Variants in DNAJB14 observed in about 807,000 individuals in gnomAD.
DNAJB14 encodes DnaJ heat shock protein family (Hsp40) member B14.
Under a neutral mutation model 48.4 loss-of-function variants are expected in DNAJB14, and 22 were observed. The ratio of observed to expected loss-of-function variants is 0.45; its 90% CI spans 0.32 to 0.65. The LOEUF (loss-of-function observed/expected upper bound fraction) is 0.65, where lower values mean the gene tolerates loss of function less well. Among genes scored for constraint, DNAJB14 ranks in the 30% least tolerant of loss-of-function variants. The pLI, the probability that DNAJB14 is intolerant of heterozygous loss-of-function variation, is 0.03. For missense variants in DNAJB14, 319 were observed against 458.8 expected, an observed-to-expected ratio of 0.70 and a Z score of 2.78; for synonymous variants, 142 against 158.7, an observed-to-expected ratio of 0.89 and a Z score of 0.79.
intron 3 of DNAJB14, among the ~76,000 whole-genome samples, chr4:99,921,838 A>G (rs1189055704): frequency 6.6e-6 from 1 of 152,188 alleles, no homozygotes; most frequent in African/African-American, 2.4e-5. Context: ...AACTTTCTGT[A>G]CTATTGAATT....
intron 1 of DNAJB14, chr4:99,942,025 A>G (rs941193575): frequency 1.3e-5 from 2 of 152,114 alleles, no homozygotes; most frequent in African/African-American, 4.8e-5. Flanking sequence ...CCAGATGTAT[A>G]ATGACAATTT....
chr4:99,903,102 T>C (rs1285207372), intron 7 of DNAJB14, among the ~76,000 whole-genome samples: 1 of 152,150 alleles, frequency 6.6e-6, no homozygotes, highest in Non-Finnish European at 1.5e-5. Flanking sequence ...TCTACATTAT[T>C]ATTCACAACA....
intron 3 of DNAJB14, among the ~76,000 whole-genome samples, chr4:99,916,961 T>C (rs1725879901): frequency 6.6e-6 from 1 of 152,014 alleles, no homozygotes; most frequent in African/African-American, 2.4e-5. Flanking sequence ...GGTGAAACCC[T>C]GTCTCTACTA....
At chr4:99,926,270 A>T (rs1324836960) in intron 2 of DNAJB14, 1 of 152,166 alleles carries the variant, frequency 6.6e-6, no homozygotes, top group Non-Finnish European at 1.5e-5. Flanking sequence ...CTTTGAAGGC[A>T]GGGATTATGT....
chr4:99,908,598 G>C, intron 4 of DNAJB14, 113 bp downstream of exon 4: 1 of 797,864 alleles, frequency 1.3e-6, no homozygotes, highest in Non-Finnish European at 1.8e-6. Context: ...TTACAGGATC[G>C]TAACACTACA....
intron 1 of DNAJB14, among the ~76,000 whole-genome samples, chr4:99,934,050 C>T (rs1488245321): frequency 6.6e-6 from 1 of 152,130 alleles, no homozygotes; most frequent in African/African-American, 2.4e-5. Flanking sequence ...AGACTCTAGT[C>T]ACTACATGCC....
chr4:99,928,122 T>A (rs1726323274), intron 2 of DNAJB14: 1 of 152,394 alleles, frequency 6.6e-6, no homozygotes, highest in Non-Finnish European at 1.5e-5. Flanking sequence ...ACAGGTATAC[T>A]ACTAAGCTAT....
rs55943142 is a variant in DNAJB14, at chr4:99,900,297, C to T, written c.*731G>A. The T allele has an allele frequency of 6.6e-6, 1 of 151,916 alleles. No individual in the cohort carries two copies. The highest frequency in any genetic ancestry group is 1.5e-5 in the Non-Finnish European group (1 of 67,868). The allele number at this position is 151,916 out of a possible 1,614,324, so 9.4% of individuals were successfully genotyped here. ...ACCCTTTTAGTTTAATATTTATAGC[C>T]ATTTCCTCATATTTTCTTTAAAATT... On this transcript the variant is annotated 3_prime_UTR_variant, in exon 8 of 8. Transcript: ENST00000442697.
At chr4:99,909,021 TAA>T in intron 3 of DNAJB14, 125 bp from the exon 4 acceptor site, 1 of 586,190 alleles carries the variant, frequency 1.7e-6, no homozygotes, top group Non-Finnish European at 2.7e-6. Context: ...TTGTTAAAAA[TAA>T]GTTCTTTTAA....
chr4:99,900,968 C>G lies in DNAJB14; in HGVS notation c.*60G>C. 2 of 1,543,256 alleles carry G rather than the reference C, an allele frequency of 1.3e-6. No individual in the cohort carries two copies. The highest frequency in any genetic ancestry group is 2.5e-5 in the South Asian group (2 of 81,168). ...TTTTCCTTCATCCCTCATGATGAAA[C>G]CAAACTTACTTACAGAAAAAATAAA... On this transcript the variant is annotated 3_prime_UTR_variant, in exon 8 of 8. Transcript: ENST00000442697.
intron 2 of DNAJB14, chr4:99,924,591 ATATT>A: frequency 4.4e-6 from 3 of 688,662 alleles, no homozygotes; most frequent in Non-Finnish European, 6.6e-6. Context: ...TTAGTCAATA[ATATT>A]TATTGAATAC....
rs749146046 is a variant in DNAJB14 at position 99,946,618 on chromosome 4, C to T, written c.-47G>A. ...CCTCCGGCAGCGCAGCTAAGAAGGG[C>T]GGAAGCCGCCGCCGCGGAGGAGGCG... is the stretch of plus-strand genomic sequence containing the variant. On this transcript the variant is annotated 5_prime_UTR_variant, in exon 1 of 8. Coordinates refer to ENST00000442697, the MANE Select transcript of DNAJB14 (RefSeq NM_001031723.4). 1.2e-6 allele frequency: 2 copies of T among 1,600,532 alleles called. No individual in the cohort carries two copies. Among genetic ancestry groups the T allele is most frequent in the South Asian group, 1.1e-5 (1 of 90,702 alleles).
intron 1 of DNAJB14, among the ~76,000 whole-genome samples, chr4:99,936,790 A>G (rs1185637229): frequency 2.0e-5 from 3 of 152,234 alleles, no homozygotes; most frequent in Admixed American, 1.3e-4. Flanking sequence ...TGATAATGAC[A>G]GATTAAATCG....
chr4:99,910,757 A>C (rs1447253073), intron 3 of DNAJB14, among the ~76,000 whole-genome samples: 1 of 151,844 alleles, frequency 6.6e-6, no homozygotes, highest in African/African-American at 2.4e-5. Flanking sequence ...TTATATCCTA[A>C]ATTTATTTTG....
chr4:99,920,072 A>AT (rs1231331073), intron 3 of DNAJB14, among the ~76,000 whole-genome samples: 2 of 152,102 alleles, frequency 1.3e-5, no homozygotes, highest in Admixed American at 6.5e-5. Context: ...CTGAGTCTCA[A>AT]TTTTTTTATT....
intron 3 of DNAJB14, among the ~76,000 whole-genome samples, chr4:99,917,476 C>T (rs181867651): frequency 1.1e-4 from 17 of 152,254 alleles, no homozygotes; most frequent in Non-Finnish European, 2.1e-4. Context: ...AGGTAGAATC[C>T]GACCTCCCAA....
At chr4:99,924,318 T>C (rs1726171024) in intron 2 of DNAJB14, 1 of 152,142 alleles carries the variant, frequency 6.6e-6, no homozygotes, top group Non-Finnish European at 1.5e-5. Context: ...TTTTTTTTTT[T>C]TTTTTTTACT....
intron 6 of DNAJB14, among the ~76,000 whole-genome samples, chr4:99,905,074 A>ATG (rs1725418201): frequency 6.6e-6 from 1 of 151,978 alleles, no homozygotes; most frequent in South Asian, 2.1e-4. Context: ...AGTTTCCTTT[A>ATG]TGTTCACTGT....
At chr4:99,934,519 T>G (rs756488513) in intron 1 of DNAJB14, among the ~76,000 whole-genome samples, 2 of 151,924 alleles carry the variant, frequency 1.3e-5, no homozygotes, top group Non-Finnish European at 2.9e-5. Context: ...ACTGGCCAGA[T>G]GCAGTGGATC....
Sources: allele counts gnomAD v4.1 joint callset (sites outside exome capture counted in the v4.1 genomes callset), GRCh38; gene constraint gnomAD v4.1.1; transcripts MANE v1.5; gene names NCBI Gene and HGNC (gene_info 2026-07-23, HGNC 2026-07-21).